PLXNC1: variants seen among roughly 807,000 people sequenced by gnomAD.
PLXNC1 encodes plexin-C1.
Under a neutral mutation model 178.2 loss-of-function variants are expected in PLXNC1, and 75 were observed. That is an observed-to-expected ratio of 0.42 (90% CI 0.35 to 0.51). The LOEUF (loss-of-function observed/expected upper bound fraction) is 0.51. PLXNC1 is among the 20% of genes least tolerant of loss of function. PLXNC1 has a pLI of 0.02. For synonymous variants in PLXNC1, 790 were observed against 779.9 expected (o/e 1.01, Z -0.22); for missense variants, 1,503 against 1,984.4 (o/e 0.76, Z 4.61).
intron 5 of PLXNC1, among the ~76,000 whole-genome samples, chr12:94,211,297 CAAAG>C (rs1271365587): frequency 2.0e-5 from 3 of 152,178 alleles, no homozygotes; most frequent in Non-Finnish European, 4.4e-5. Flanking sequence ...CCACCACTCT[CAAAG>C]AAGATAAGAA....
At chr12:94,284,817 A>AGTTC (rs2136159108) in intron 23 of PLXNC1, among the ~76,000 whole-genome samples, 1 of 152,288 alleles carries the variant, frequency 6.6e-6, no homozygotes, top group East Asian at 1.9e-4. Flanking sequence ...CCTCTTCAGG[A>AGTTC]GTTCTGAGTC....
At position 94,260,210 on chromosome 12, in the gene PLXNC1, C is replaced by T. The variant is rs1020662376; in HGVS notation, c.3252-432C>T. On this transcript the variant is annotated intron_variant, in intron 19 of 30. Coordinates refer to ENST00000258526, the MANE Select transcript of PLXNC1 (RefSeq NM_005761.3). This position sits in a 1 kb window ranked among gnomAD's most constrained non-coding sequence, Gnocchi z 4.4. Reference sequence around the variant, plus strand: ...CTGGAACTACAGGTGCATGCCACCACACCCAGCTAATGTTTTGTTGTTGTT... The same window carrying T: ...CTGGAACTACAGGTGCATGCCACCATACCCAGCTAATGTTTTGTTGTTGTT... Among the ~76,000 whole-genome samples the T allele has an allele frequency of 6.6e-6, 1 of 152,022 alleles. No individual in the cohort carries two copies. Among genetic ancestry groups the T allele is most frequent in the African/African-American group, 2.4e-5 (1 of 41,382 alleles).
intron 5 of PLXNC1, among the ~76,000 whole-genome samples, chr12:94,216,976 G>T (rs766851880): frequency 6.6e-6 from 1 of 151,952 alleles, no homozygotes; most frequent in South Asian, 2.1e-4. Context: ...AACTGTACTC[G>T]CCTGGACCCC....
intron 2 of PLXNC1, among the ~76,000 whole-genome samples, chr12:94,177,289 T>A (rs1222573757): frequency 2.7e-5 from 4 of 146,392 alleles, no homozygotes. Context: ...TCCAAGGGTA[T>A]GTCCTTTGTA....
intron 20 of PLXNC1, among the ~76,000 whole-genome samples, chr12:94,263,147 A>G (rs1965047534): frequency 6.6e-6 from 1 of 152,148 alleles, no homozygotes; most frequent in African/African-American, 2.4e-5. Context: ...GAGAAACCTC[A>G]TGGCCCTGTG....
intron 1 of PLXNC1, chr12:94,151,015 C>A (rs1378724990): frequency 6.6e-6 from 1 of 152,204 alleles, no homozygotes; most frequent in Non-Finnish European, 1.5e-5. Context: ...CTCCGGAGGC[C>A]GTTTCCCTTC....
At chr12:94,176,474 G>A (rs1962055013) in intron 2 of PLXNC1, 1 of 152,160 alleles carries the variant, frequency 6.6e-6, no homozygotes, top group South Asian at 2.1e-4. Context: ...GACCTTTGTG[G>A]TGAAAACTAA....
intron 5 of PLXNC1, among the ~76,000 whole-genome samples, chr12:94,210,218 C>T (rs17299939): frequency 0.18 from 27,104 of 152,200 alleles, 2,538 homozygotes; most frequent in African/African-American, 0.19. Context: ...GGGCAGTGAC[C>T]ATTGCAAGTG....
intron 23 of PLXNC1, among the ~76,000 whole-genome samples, chr12:94,291,765 G>C (rs750781464): frequency 6.6e-6 from 1 of 151,986 alleles, no homozygotes; most frequent in Admixed American, 6.6e-5. Flanking sequence ...TGGACATTTC[G>C]TATATTCTTT....
In PLXNC1 at chr12:94,149,514, C is replaced by A. The variant is rs767827562; in HGVS notation, c.543C>A (p.Ala181=). Residue 181 remains alanine, a synonymous_variant, in exon 1 of 31, where the codon GCC becomes GCA. Coordinates refer to ENST00000258526, the MANE Select transcript of PLXNC1 (RefSeq NM_005761.3). ...RNNRWYLAVA[A]TYVLPEPETA... ...ACCGCTGGTACCTGGCGGTGGCCGCCACCTACGTGCTGCCTGAGCCGGAGA... is the reference window on the plus strand; with the variant it reads ...ACCGCTGGTACCTGGCGGTGGCCGCAACCTACGTGCTGCCTGAGCCGGAGA... The A allele has an allele frequency of 3.9e-6, 6 of 1,536,324 alleles. No homozygotes were observed. The East Asian group carries it at 1.2e-4, about 31-fold the overall frequency.
chr12:94,263,990 C>T (rs765647284), intron 20 of PLXNC1, among the ~76,000 whole-genome samples: 1 of 152,088 alleles, frequency 6.6e-6, no homozygotes, highest in Non-Finnish European at 1.5e-5. Context: ...CCTCCTTTCC[C>T]AGCTGGACGT....
chr12:94,213,120 A>T (rs1439473130), intron 5 of PLXNC1, among the ~76,000 whole-genome samples: 2 of 152,206 alleles, frequency 1.3e-5, no homozygotes. Context: ...TTACATGTGC[A>T]TGTGTCTTTA....
intron 24 of PLXNC1, 45 bp downstream of exon 24, chr12:94,294,585 A>G: frequency 1.2e-6 from 1 of 854,196 alleles, no homozygotes; most frequent in Non-Finnish European, 1.9e-6. Flanking sequence ...ACCCAGCTTC[A>G]TAAAGTATTG....
intron 22 of PLXNC1, among the ~76,000 whole-genome samples, chr12:94,281,048 G>T (rs1966402115): frequency 6.6e-6 from 1 of 152,216 alleles, no homozygotes; most frequent in African/African-American, 2.4e-5. Context: ...AGAGGCCAAG[G>T]CTGGTGGATC....
rs949528139 is a variant in PLXNC1 at position 94,260,067 on chromosome 12, T to G, written c.3251+333T>G. Among the ~76,000 whole-genome samples, 20 of 152,252 alleles carry G rather than the reference T, an allele frequency of 1.3e-4. No homozygotes were observed. Among genetic ancestry groups the G allele is most frequent in the Middle Eastern group, 6.8e-3 (2 of 294 alleles). ...GATCATACCACCCCAACACAATTTT[T>G]TTGTTGTTGTTGTTGGAGTCTCACT... On this transcript the variant is annotated intron_variant, in intron 19 of 30. Coordinates refer to ENST00000258526, the MANE Select transcript of PLXNC1 (RefSeq NM_005761.3). This position sits in a 1 kb window ranked among gnomAD's most constrained non-coding sequence, Gnocchi z 4.4.
chr12:94,198,553 T>G (rs1963006176), intron 4 of PLXNC1, among the ~76,000 whole-genome samples: 1 of 151,592 alleles, frequency 6.6e-6, no homozygotes, highest in Non-Finnish European at 1.5e-5. Flanking sequence ...TCTAGTGAGG[T>G]GTTTTAGTTT....
chr12:94,158,470 A>G (rs938483484), intron 1 of PLXNC1, among the ~76,000 whole-genome samples: 1 of 152,134 alleles, frequency 6.6e-6, no homozygotes, highest in Non-Finnish European at 1.5e-5. Flanking sequence ...TAAATTATCA[A>G]TCGGAAGCTC....
chr12:94,231,476 A>T (rs1431650430), intron 9 of PLXNC1, among the ~76,000 whole-genome samples: 1 of 152,170 alleles, frequency 6.6e-6, no homozygotes, highest in Non-Finnish European at 1.5e-5. Flanking sequence ...ATGCCATTCA[A>T]GGTATCTTAT....
At chr12:94,273,172 A>G (rs1300386751) in intron 21 of PLXNC1, among the ~76,000 whole-genome samples, 2 of 152,228 alleles carry the variant, frequency 1.3e-5, no homozygotes, top group African/African-American at 4.8e-5. Context: ...AGTACGTGAT[A>G]AGCACTCAAT....
Sources: allele counts gnomAD v4.1 joint callset (sites outside exome capture counted in the v4.1 genomes callset), GRCh38; gene constraint gnomAD v4.1.1; non-coding constraint Gnocchi (gnomAD v3.1); transcripts MANE v1.5; gene names NCBI Gene and HGNC (gene_info 2026-07-23, HGNC 2026-07-21).